Variants in NPSR1 observed in about 807,000 individuals in gnomAD.
The protein encoded by NPSR1 is neuropeptide S receptor 1, also known as neuropeptide S receptor.
Under a neutral mutation model 46.9 loss-of-function variants are expected in NPSR1, and 48 were observed. The ratio of observed to expected loss-of-function variants is 1.02; its 90% CI spans 0.81 to 1.30. The LOEUF is 1.30. Ranked by LOEUF, NPSR1 falls within the 50% of genes most tolerant of loss-of-function variation. The pLI, the probability that NPSR1 is intolerant of heterozygous loss-of-function variation, is 0.00. For synonymous variants in NPSR1, 176 were observed against 168.1 expected, an observed-to-expected ratio of 1.05 and a Z score of -0.36; for missense variants, 450 against 449.5, an observed-to-expected ratio of 1.00 and a Z score of -0.01.
At chr7:34,710,642 G>A (rs1199793664) in intron 2 of NPSR1, 1 of 181,660 alleles carries the variant, frequency 5.5e-6, no homozygotes, top group Non-Finnish European at 1.1e-5. Flanking sequence ...CTTGGCTAGA[G>A]AACAAAGACT....
At chr7:34,799,211 T>C (rs1002932889) in intron 3 of NPSR1, among the ~76,000 whole-genome samples, 2 of 152,102 alleles carry the variant, frequency 1.3e-5, no homozygotes, top group Non-Finnish European at 2.9e-5. Context: ...TCCACATGTA[T>C]ACATAAACAC....
At chr7:34,784,218 C>A (rs569789820) in intron 3 of NPSR1, among the ~76,000 whole-genome samples, 40 of 152,298 alleles carry the variant, frequency 2.6e-4, no homozygotes, top group South Asian at 1.4e-3. Context: ...TTCCAACACT[C>A]TGTTGAATAG....
chr7:34,684,632 G>T lies in NPSR1; in HGVS notation c.228G>T (p.Arg76Ser), dbSNP rs1255451409. The T allele has an allele frequency of 6.2e-7, 1 of 1,613,724 alleles. No individual in the cohort carries two copies. Among genetic ancestry groups the T allele is most frequent in the Admixed American group, 1.7e-5 (1 of 59,972 alleles). ...GNSVVLFSTW[R>S]RKKKSRMTFF... ...CCGTTGTGCTTTTTTCCACATGGAG[G>T]AGAAAGAAGAAGTCAAGAATGACCT... Residue 76 changes from arginine (R) to serine (S), a missense_variant, in exon 2 of 9, where the codon AGG becomes AGT. Arg to Ser is a moderately radical substitution (Grantham distance 110, BLOSUM62 -1). Transcript: ENST00000360581.
At chr7:34,836,589 A>G (rs1028934804) in intron 6 of NPSR1, among the ~76,000 whole-genome samples, 3 of 151,830 alleles carry the variant, frequency 2.0e-5, no homozygotes, top group Non-Finnish European at 4.4e-5. Flanking sequence ...AATGAGGGAG[A>G]AAGAAAGAGT....
intron 2 of NPSR1, among the ~76,000 whole-genome samples, chr7:34,747,546 G>A (rs1785270145): frequency 6.6e-6 from 1 of 152,162 alleles, no homozygotes; most frequent in Admixed American, 6.5e-5. Flanking sequence ...AGTGCAAGGT[G>A]GAATCAGAGA....
intron 2 of NPSR1, among the ~76,000 whole-genome samples, chr7:34,752,271 T>C (rs546524282): frequency 1.3e-5 from 2 of 152,296 alleles, no homozygotes; most frequent in African/African-American, 2.4e-5. Context: ...TAAATTTACT[T>C]AATCTAAATG....
chr7:34,751,306 A>T (rs1785511088), intron 2 of NPSR1: 9 of 988,886 alleles, frequency 9.1e-6, no homozygotes, highest in Non-Finnish European at 1.5e-5. Context: ...GGAGTTGCAG[A>T]AAGTGGTACT....
intron 3 of NPSR1, among the ~76,000 whole-genome samples, chr7:34,780,436 A>G (rs1319026055): frequency 1.3e-5 from 2 of 152,180 alleles, no homozygotes; most frequent in African/African-American, 2.4e-5. Flanking sequence ...ATCTTTTGAC[A>G]TAGGGAAAAC....
At chr7:34,869,332 C>T (rs140794092) in intron 8 of NPSR1, among the ~76,000 whole-genome samples, 3,117 of 151,860 alleles carry the variant, frequency 0.021, 183 homozygotes, top group African/African-American at 0.064. Context: ...CAGTCATTCA[C>T]AGTACTGCAA....
At chr7:34,760,888 A>G (rs1562708780) in intron 2 of NPSR1, among the ~76,000 whole-genome samples, 1 of 152,206 alleles carries the variant, frequency 6.6e-6, no homozygotes, top group Non-Finnish European at 1.5e-5. Flanking sequence ...GACCTCTAAG[A>G]GGAGCCAGTG....
chr7:34,762,119 G>A (rs1310236403), intron 2 of NPSR1, among the ~76,000 whole-genome samples: 1 of 152,112 alleles, frequency 6.6e-6, no homozygotes, highest in Non-Finnish European at 1.5e-5. Context: ...TTTGGTTGGG[G>A]GAACTAATGG....
intron 1 of NPSR1, among the ~76,000 whole-genome samples, chr7:34,673,777 G>A (rs1792175867): frequency 6.6e-6 from 1 of 152,178 alleles, no homozygotes; most frequent in South Asian, 2.1e-4. Flanking sequence ...ACATTTATAT[G>A]TAGCTGTATA....
At chr7:34,736,602 T>C (rs1198822485) in intron 2 of NPSR1, among the ~76,000 whole-genome samples, 1 of 152,050 alleles carries the variant, frequency 6.6e-6, no homozygotes, top group Non-Finnish European at 1.5e-5. Context: ...ACTTTATTTA[T>C]CTATCTATTT....
At chr7:34,878,038 G>C (rs566817681) in intron 8 of NPSR1, 1 of 1,241,790 alleles carries the variant, frequency 8.1e-7, no homozygotes, top group African/African-American at 1.5e-5. Context: ...GAAGACCCAG[G>C]TCCCTATACA....
intron 3 of NPSR1, among the ~76,000 whole-genome samples, chr7:34,790,815 ATGT>A (rs1480950270): frequency 0.011 from 1,462 of 127,222 alleles, 80 homozygotes; most frequent in East Asian, 0.018. Flanking sequence ...TATGTTATAT[ATGT>A]TATAGGTTAT....
chr7:34,814,165 C>T (rs1468473587), intron 4 of NPSR1, among the ~76,000 whole-genome samples: 1 of 152,220 alleles, frequency 6.6e-6, no homozygotes, highest in East Asian at 1.9e-4. Flanking sequence ...CCAAGGGAAG[C>T]TGGGGCACAC....
At chr7:34,810,970 A>G (rs1272206893) in intron 3 of NPSR1, among the ~76,000 whole-genome samples, 1 of 152,122 alleles carries the variant, frequency 6.6e-6, no homozygotes, top group Non-Finnish European at 1.5e-5. Flanking sequence ...CAAACTCCTT[A>G]TAGGAGGGGG....
chr7:34,771,224 C>T (rs35781829), intron 2 of NPSR1, among the ~76,000 whole-genome samples: 9 of 152,140 alleles, frequency 5.9e-5, no homozygotes, highest in Admixed American at 2.0e-4. Flanking sequence ...CACTTGAGCC[C>T]GGGAGTTCAA....
At chr7:34,748,902 A>G (rs1033689083) in intron 2 of NPSR1, among the ~76,000 whole-genome samples, 6 of 152,096 alleles carry the variant, frequency 3.9e-5, no homozygotes, top group African/African-American at 1.4e-4. Context: ...TCTGTGACCA[A>G]TGGAACTGAG....
Sources: allele counts gnomAD v4.1 joint callset (sites outside exome capture counted in the v4.1 genomes callset), GRCh38; gene constraint gnomAD v4.1.1; transcripts MANE v1.5; gene names NCBI Gene and HGNC (gene_info 2026-07-23, HGNC 2026-07-21).